The following RMND5B variants were observed in gnomAD, a reference collection of about 807,000 sequenced individuals.
RMND5B encodes the protein E3 ubiquitin-protein transferase RMND5B.
In RMND5B, 42 loss-of-function variants were observed where a neutral mutation model predicts 50.4. That is an observed-to-expected ratio of 0.83 (90% CI 0.65 to 1.08). The LOEUF (loss-of-function observed/expected upper bound fraction) is 1.08. RMND5B is among the 50% of genes least tolerant of loss of function. The pLI is 0.00. For synonymous variants in RMND5B, 220 were observed against 210.0 expected (o/e 1.05, Z -0.41); for missense variants, 463 against 508.5 (o/e 0.91, Z 0.86).
intron 2 of RMND5B, chr5:178,133,673 C>G (rs1422580109): frequency 6.6e-6 from 1 of 151,260 alleles, no homozygotes; most frequent in Non-Finnish European, 1.5e-5. Flanking sequence ...TCCCAAAGTG[C>G]TGGGATTACA....
intron 2 of RMND5B, among the ~76,000 whole-genome samples, chr5:178,134,343 CAA>C (rs1758499300): frequency 6.6e-6 from 1 of 152,160 alleles, no homozygotes; most frequent in Non-Finnish European, 1.5e-5. Flanking sequence ...GCAAAGGAAG[CAA>C]ATACATTATT....
At position 178,150,443 on chromosome 5, in the gene RMND5B, T is replaced by C. The variant is rs1482845814; in HGVS notation, c.*2411T>C. ...ATGCAGTCTGGAGTGTGGTGGTGTATGATCATGGCTCACTGCAGCCTTGAA... is the reference window on the plus strand; with the variant it reads ...ATGCAGTCTGGAGTGTGGTGGTGTACGATCATGGCTCACTGCAGCCTTGAA... On this transcript the variant is annotated 3_prime_UTR_variant, in exon 11 of 11. Coordinates refer to ENST00000313386, the MANE Select transcript of RMND5B (RefSeq NM_022762.5). The C allele has an allele frequency of 2.9e-6, 1 of 347,606 alleles. No individual in the cohort carries two copies. The highest frequency in any genetic ancestry group is 2.1e-5 in the African/African-American group (1 of 46,664). 21.5% of individuals were successfully genotyped at this position (347,606 alleles called of 1,614,324 possible). A position where few individuals can be genotyped will look rare whatever the true frequency, so the allele number is the denominator to read the frequency against.
chr5:178,146,786 G>GC (rs892710498), intron 8 of RMND5B: 2 of 157,296 alleles, frequency 1.3e-5, no homozygotes, highest in African/African-American at 4.8e-5. Flanking sequence ...AGATGTGCAC[G>GC]CACTTGCCCA....
rs746306413 is a variant in RMND5B at position 178,146,142 on chromosome 5, G to A, written c.723G>A (p.Val241=). 49 of 1,614,050 alleles carry A rather than the reference G, an allele frequency of 3.0e-5. No individual in the cohort carries two copies. The highest frequency in any genetic ancestry group is 1.6e-4 in the Middle Eastern group (1 of 6,084). ...TCCAGGTGATGATGGGCAGCCTGGT[G>A]TACCTGCGGCTGGGCTTGGAGAAGT... ...REIQVMMGSL[V]YLRLGLEKSP... is the part of the protein sequence containing the mutation. The change falls in exon 8 of 11, where the codon GTG becomes GTA. Residue 241 remains valine (V), a synonymous_variant. Transcript: ENST00000313386.
chr5:178,149,832 C>G lies in RMND5B; in HGVS notation c.*1800C>G. The G allele has an allele frequency of 6.2e-7, 1 of 1,613,674 alleles. No homozygotes were observed. ...GGGCGCTTGGAGCCTGCGGCTGCAC[C>G]CAGGTCCTACAGAGGGGAAAGAAGT... On this transcript the variant is annotated 3_prime_UTR_variant, in exon 11 of 11. Coordinates refer to ENST00000313386, the MANE Select transcript of RMND5B (RefSeq NM_022762.5).
chr5:178,144,130 G>A (rs749691325), intron 7 of RMND5B, 22 bp downstream of exon 7: 2 of 1,608,338 alleles, frequency 1.2e-6, no homozygotes, highest in Admixed American at 3.3e-5. Context: ...GGCAGCTGGG[G>A]TTGTGCTGCC....
chr5:178,146,616 A>C (rs1440474798), intron 8 of RMND5B: 1 of 252,994 alleles, frequency 4.0e-6, no homozygotes, highest in Non-Finnish European at 7.8e-6. Context: ...CGCCTTCCTC[A>C]TGACCTAATG....
At chr5:178,140,851 TG>T (rs1053763148) in intron 3 of RMND5B, among the ~76,000 whole-genome samples, 2 of 151,124 alleles carry the variant, frequency 1.3e-5, no homozygotes, top group African/African-American at 4.9e-5. Flanking sequence ...AAGTAGTTTG[TG>T]GGGAGATACT....
At position 178,149,844 on chromosome 5, in the gene RMND5B, G is replaced by A. The variant is rs781544363; in HGVS notation, c.*1812G>A. 23 of 1,613,228 alleles carry A rather than the reference G, an allele frequency of 1.4e-5. No individual in the cohort carries two copies. The South Asian group carries it at 2.0e-4, about 14-fold the overall frequency. The stretch of plus-strand genomic sequence containing the variant: ...CCTGCGGCTGCACCCAGGTCCTACA[G>A]AGGGGAAAGAAGTGCTGTTTGGAAA... On this transcript the variant is annotated 3_prime_UTR_variant, in exon 11 of 11. Coordinates refer to ENST00000313386, the MANE Select transcript of RMND5B (RefSeq NM_022762.5).
At chr5:178,135,256 C>T (rs141510669) in intron 2 of RMND5B, 7 of 238,572 alleles carry the variant, frequency 2.9e-5, no homozygotes, top group African/African-American at 1.1e-4. Context: ...AGCAGTCCTC[C>T]GTCCCACCTC....
chr5:178,147,728 G>C lies in RMND5B; in HGVS notation c.964-1G>C. 1 of 1,614,182 alleles carries C rather than the reference G, an allele frequency of 6.2e-7. No homozygotes were observed. Among genetic ancestry groups the C allele is most frequent in the East Asian group, 2.2e-5 (1 of 44,886 alleles). Reference sequence around the variant, plus strand: ...CTCACCCGCTTCGCTGCCCTTCCCAGATTGAGATTGAACTAGGCATGAAGT... The same window carrying C: ...CTCACCCGCTTCGCTGCCCTTCCCACATTGAGATTGAACTAGGCATGAAGT... On this transcript the variant is annotated splice_acceptor_variant, in intron 9 of 10. Coordinates refer to ENST00000313386, the MANE Select transcript of RMND5B (RefSeq NM_022762.5). LOFTEE classifies it high-confidence loss of function.
Position 178,147,961 on chromosome 5 carries a change from C to G in RMND5B, c.1119-8C>G. 1.2e-6 allele frequency: 2 copies of G among 1,614,204 alleles called. No individual in the cohort carries two copies. The highest frequency in any genetic ancestry group is 1.7e-6 in the Non-Finnish European group (2 of 1,180,038). On this transcript the variant is annotated splice_polypyrimidine_tract_variant and splice_region_variant and intron_variant, in intron 10 of 10. Transcript: ENST00000313386. ...CCTGAGACGTTCTCGGTTCTCCTCC[C>G]TTTGCAGGCTGAAGTGTCCCTACTG...
At chr5:178,140,374 C>T (rs1758861095) in intron 3 of RMND5B, among the ~76,000 whole-genome samples, 1 of 150,936 alleles carries the variant, frequency 6.6e-6, no homozygotes, top group Non-Finnish European at 1.5e-5. Flanking sequence ...GACAGGGTCT[C>T]CCTATGCTGT....
At chr5:178,139,925 T>A (rs1561633756) in intron 3 of RMND5B, among the ~76,000 whole-genome samples, 1 of 152,142 alleles carries the variant, frequency 6.6e-6, no homozygotes, top group Non-Finnish European at 1.5e-5. Context: ...CACACTGCAT[T>A]TAGTTTCTCC....
chr5:178,136,031 G>C (rs573357672), intron 2 of RMND5B: 66 of 152,296 alleles, frequency 4.3e-4, no homozygotes, highest in African/African-American at 1.5e-3. Context: ...TGAAACAGTG[G>C]CCTGTGAAGC....
chr5:178,134,901 C>CCG (rs1758534333), intron 2 of RMND5B, among the ~76,000 whole-genome samples: 2 of 148,918 alleles, frequency 1.3e-5, no homozygotes, highest in South Asian at 2.1e-4. Flanking sequence ...TGCTTGGACC[C>CCG]GGGAGGTGGA....
intron 8 of RMND5B, 63 bp downstream of exon 8, chr5:178,146,342 A>G (rs1756007877): frequency 2.0e-6 from 3 of 1,512,902 alleles, no homozygotes; most frequent in Non-Finnish European, 1.8e-6. Context: ...ATCATTTGCC[A>G]AGGCCCTGCC....
chr5:178,138,288 G>A lies in RMND5B; in HGVS notation c.139+30G>A, dbSNP rs371231856. The A allele has an allele frequency of 6.2e-5, 99 of 1,609,206 alleles. 1 individual carries two copies. Among genetic ancestry groups the A allele is most frequent in the Admixed American group, 4.9e-4 (29 of 59,450 alleles). Reference sequence around the variant, plus strand: ...GTGGCCACCCTTGCAAGTGCCCTGCGACAGCCTCCCTGAGGACATGGGAGA... The same window carrying A: ...GTGGCCACCCTTGCAAGTGCCCTGCAACAGCCTCCCTGAGGACATGGGAGA... On this transcript the variant is annotated intron_variant, in intron 3 of 10. Transcript: ENST00000313386. The surrounding 1 kb of genome is among the most constrained non-coding windows in gnomAD (Gnocchi z 5.1).
intron 2 of RMND5B, among the ~76,000 whole-genome samples, chr5:178,133,977 T>G (rs1156521667): frequency 6.6e-6 from 1 of 152,172 alleles, no homozygotes; most frequent in East Asian, 1.9e-4. Context: ...CCTCCCAAAG[T>G]GTTGGGATTA....
Sources: gnomAD v4.1 joint callset for allele counts (sites outside exome capture counted in the v4.1 genomes callset) on GRCh38, gnomAD v4.1.1 for gene constraint, Gnocchi (gnomAD v3.1) non-coding constraint, MANE v1.5 for transcripts, NCBI Gene and HGNC (gene_info 2026-07-23, HGNC 2026-07-21) for gene names.